Variants in DMD observed in about 807,000 individuals in gnomAD.
DMD encodes mutant dystrophin.
Under a neutral mutation model 330.1 loss-of-function variants are expected in DMD, and 63 were observed. That is an observed-to-expected ratio of 0.19 (90% CI 0.16 to 0.24). The LOEUF is 0.24. Among genes scored for constraint, DMD ranks in the 10% least tolerant of loss-of-function variants. The probability of loss-of-function intolerance (pLI) is 1.00; values close to 1 mark genes in which losing one functional copy is unlikely to be tolerated. For synonymous variants in DMD, 1,223 were observed against 959.8 expected, an observed-to-expected ratio of 1.27 and a Z score of -5.07; for missense variants, 3,344 against 2,684.1, an observed-to-expected ratio of 1.25 and a Z score of -5.43.
intron 55 of DMD, among the ~76,000 whole-genome samples, chrX:31,594,795 G>A (rs2077038501): frequency 9.0e-6 from 1 of 110,803 alleles, no homozygotes; most frequent in Non-Finnish European, 1.9e-5. Context: ...CACTCAGTAG[G>A]TTATTATGTT....
upstream of DMD, among the ~76,000 whole-genome samples, chrX:33,212,645 A>G (rs958926808): frequency 2.7e-5 from 3 of 111,943 alleles, no homozygotes; most frequent in Non-Finnish European, 5.6e-5. Flanking sequence ...ATATTGAGTC[A>G]GACTGTGATG....
intron 44 of DMD, among the ~76,000 whole-genome samples, chrX:32,201,953 G>C (rs1191684075): frequency 8.9e-6 from 1 of 112,088 alleles, no homozygotes; most frequent in African/African-American, 3.2e-5. Context: ...ATTTTCAAAA[G>C]AGAAATTTAA....
intron 44 of DMD, among the ~76,000 whole-genome samples, chrX:32,116,262 T>C (rs1157430317): frequency 8.9e-6 from 1 of 112,024 alleles, no homozygotes; most frequent in Non-Finnish European, 1.9e-5. Context: ...TACTGCCCCC[T>C]AGAGAAGCCA....
intron 47 of DMD, among the ~76,000 whole-genome samples, chrX:31,889,920 T>C (rs553004733): frequency 5.3e-4 from 59 of 110,618 alleles, no homozygotes; most frequent in African/African-American, 1.9e-3. Context: ...TTAATATTTT[T>C]GTTTGCTCAT....
intron 1 of DMD, among the ~76,000 whole-genome samples, chrX:33,067,108 G>A: frequency 8.9e-6 from 1 of 112,157 alleles, no homozygotes; most frequent in Admixed American, 9.5e-5. Context: ...AGCAATTCCT[G>A]TTCAGTAAGT....
intron 47 of DMD, among the ~76,000 whole-genome samples, chrX:31,908,783 G>C (rs1000218510): frequency 1.8e-5 from 2 of 110,635 alleles, no homozygotes; most frequent in African/African-American, 6.6e-5. Context: ...TAGATCTGAA[G>C]GGCAAGGGGG....
intron 2 of DMD, among the ~76,000 whole-genome samples, chrX:33,009,359 T>C (rs1328797716): frequency 1.7e-5 from 1 of 58,155 alleles, no homozygotes; most frequent in African/African-American, 7.4e-5. Flanking sequence ...CACATGTGTG[T>C]ATATGTGTAT....
intron 1 of DMD, among the ~76,000 whole-genome samples, chrX:33,233,342 A>T (rs1205974173): frequency 8.9e-6 from 1 of 112,045 alleles, no homozygotes; most frequent in Non-Finnish European, 1.9e-5. Context: ...CCTGTACATT[A>T]GGGTTCACAG....
At chrX:32,374,364 T>C (rs73462099) in intron 34 of DMD, among the ~76,000 whole-genome samples, 2,796 of 111,818 alleles carry the variant, frequency 0.025, 41 homozygotes, top group South Asian at 0.076. Flanking sequence ...GTCTTGGTCA[T>C]AAATTCTTTG....
At chrX:31,184,974 G>T (rs1473092935) in intron 67 of DMD, among the ~76,000 whole-genome samples, 1 of 63,080 alleles carries the variant, frequency 1.6e-5, no homozygotes, top group African/African-American at 6.4e-5. Context: ...TGGGGTGGGG[G>T]GAGGGGGGAG....
At chrX:31,699,963 G>C (rs1199758113) in intron 52 of DMD, among the ~76,000 whole-genome samples, 1 of 111,073 alleles carries the variant, frequency 9.0e-6, no homozygotes, top group Non-Finnish European at 1.9e-5. Context: ...CGAGGTGAAC[G>C]GATCATGAGA....
chrX:32,715,665 T>C (rs1443822237), intron 7 of DMD, among the ~76,000 whole-genome samples: 1 of 106,547 alleles, frequency 9.4e-6, no homozygotes, highest in Non-Finnish European at 1.9e-5. Flanking sequence ...CTGGGTGTGG[T>C]GGTGGGCGCC....
At chrX:31,991,545 A>C (rs1009577188) in intron 44 of DMD, among the ~76,000 whole-genome samples, 1 of 110,542 alleles carries the variant, frequency 9.0e-6, no homozygotes, top group African/African-American at 3.3e-5. Flanking sequence ...AACTGCGGTC[A>C]TACGGAGATA....
chrX:31,350,995 A>G (rs1279649971), intron 60 of DMD, among the ~76,000 whole-genome samples: 1 of 110,796 alleles, frequency 9.0e-6, no homozygotes, highest in Non-Finnish European at 1.9e-5. Context: ...GATTTACATC[A>G]TCAACTCCCC....
intron 13 of DMD, among the ~76,000 whole-genome samples, chrX:32,594,649 T>G (rs1018519524): frequency 1.2e-4 from 13 of 111,543 alleles, no homozygotes; most frequent in African/African-American, 3.3e-4. Context: ...GGTATTTGTG[T>G]TAAATTTTTT....
At chrX:33,242,891 T>A (rs961434989) in intron 1 of DMD, among the ~76,000 whole-genome samples, 20 of 112,426 alleles carry the variant, frequency 1.8e-4, no homozygotes, top group Non-Finnish European at 3.6e-4. Context: ...CATCTGTAGA[T>A]CTTCTTTAGG....
At chrX:33,315,816 G>A (rs2053924567) in intron 1 of DMD, among the ~76,000 whole-genome samples, 1 of 111,086 alleles carries the variant, frequency 9.0e-6, no homozygotes, top group South Asian at 3.8e-4. Context: ...GTATGTCTTT[G>A]GGGGATCATT....
intron 55 of DMD, among the ~76,000 whole-genome samples, chrX:31,623,979 C>T (rs2078702524): frequency 9.0e-6 from 1 of 111,339 alleles, no homozygotes; most frequent in African/African-American, 3.3e-5. Context: ...TTCAGAAAGA[C>T]AGAGTCTTTC....
chrX:32,729,249 C>A (rs981723716), intron 7 of DMD, among the ~76,000 whole-genome samples: 7 of 111,559 alleles, frequency 6.3e-5, no homozygotes, highest in Non-Finnish European at 1.1e-4. Context: ...AAAGATATTC[C>A]AAACTGAAAA....
Sources: allele counts gnomAD v4.1 joint callset (sites outside exome capture counted in the v4.1 genomes callset), GRCh38; gene constraint gnomAD v4.1.1; transcripts MANE v1.5; gene names NCBI Gene and HGNC (gene_info 2026-07-23, HGNC 2026-07-21).